FAM20C: variants seen among roughly 807,000 people sequenced by gnomAD.
The protein encoded by FAM20C is FAM20C golgi associated secretory pathway kinase, also known as extracellular serine/threonine protein kinase FAM20C.
Under a neutral mutation model 51.5 loss-of-function variants are expected in FAM20C, and 40 were observed. That is an observed-to-expected ratio of 0.78 (90% CI 0.60 to 1.01). The LOEUF (loss-of-function observed/expected upper bound fraction) is 1.01, where lower values mean the gene tolerates loss of function less well. FAM20C is among the 50% of genes least tolerant of loss of function. FAM20C has a pLI of 0.00. For missense variants in FAM20C, 861 were observed against 844.7 expected, an observed-to-expected ratio of 1.02 and a Z score of -0.24; for synonymous variants, 406 against 380.6, an observed-to-expected ratio of 1.07 and a Z score of -0.78.
rs765546593 is a variant in FAM20C at position 257,066 on chromosome 7, C to T, written c.1425C>T (p.Ile475=). 5 of 1,537,102 alleles carry T rather than the reference C, an allele frequency of 3.3e-6. No homozygotes were observed. The highest frequency in any genetic ancestry group is 4.4e-6 in the Non-Finnish European group (5 of 1,146,882). The stretch of plus-strand genomic sequence containing the variant: ...AGTTTGGGAATGAAACGTTCATCAT[C>T]CACTTAGACAATGGAAGAGGGTGAG... ...FEKFGNETFI[I]HLDNGRGFGK... is the part of the protein sequence containing the mutation. The change falls in exon 8 of 10, where the codon ATC becomes ATT. Residue 475 remains isoleucine, a synonymous_variant. Coordinates refer to ENST00000313766, the MANE Select transcript of FAM20C (RefSeq NM_020223.4).
intron 5 of FAM20C, among the ~76,000 whole-genome samples, chr7:254,458 A>G (rs1040485909): frequency 6.6e-6 from 1 of 152,218 alleles, no homozygotes; most frequent in African/African-American, 2.4e-5. Context: ...ACAAACAAAT[A>G]AAGCAAGAAA....
chr7:256,151 C>G, intron 6 of FAM20C, 122 bp downstream of exon 6: 1 of 1,213,746 alleles, frequency 8.2e-7, no homozygotes, highest in Non-Finnish European at 1.1e-6. Flanking sequence ...GCCTGCTGTG[C>G]GATGCTGGCC....
intron 5 of FAM20C, among the ~76,000 whole-genome samples, chr7:254,832 A>G (rs1193841466): frequency 6.6e-6 from 1 of 152,124 alleles, no homozygotes; most frequent in African/African-American, 2.4e-5. Flanking sequence ...TGGGCGTTTC[A>G]TATTAAGAGG....
At chr7:196,782 G>A (rs28559950) in intron 2 of FAM20C, among the ~76,000 whole-genome samples, 2,980 of 152,224 alleles carry the variant, frequency 0.02, 37 homozygotes, top group Middle Eastern at 0.034. Context: ...TCTCTCTGCC[G>A]GGTGCTGAGT....
rs1785665680 is a variant in FAM20C, at chr7:193,339, C to T, written c.140C>T (p.Ser47Leu). ...GARPSGEPGC[S>L]CAQPAAEVAA... ...CGGCCCTCGGGGGAGCCCGGCTGTT[C>T]GTGCGCGCAGCCCGCCGCCGAGGTG... Residue 47 changes from serine to leucine, a missense_variant, in exon 1 of 10, where the codon TCG (serine) becomes TTG (leucine). Ser to Leu is a moderately radical substitution (Grantham distance 145). Around this residue, in one of 3 missense-constraint regions of FAM20C, gnomAD observed 561 missense variants for 499.8 expected, o/e 1.12. Transcript: ENST00000313766. 7.5e-7 allele frequency: 1 copy of T among 1,329,330 alleles called. No individual in the cohort carries two copies. The highest frequency in any genetic ancestry group is 1.7e-5 in the South Asian group (1 of 58,108). 82.3% of individuals were successfully genotyped at this position (1,329,330 alleles called of 1,614,324 possible). A position where few individuals can be genotyped will look rare whatever the true frequency, so the allele number is the denominator to read the frequency against.
intron 2 of FAM20C, among the ~76,000 whole-genome samples, chr7:204,214 ATTGAAAACCC>A (rs1786247502): frequency 6.6e-6 from 1 of 151,552 alleles, no homozygotes; most frequent in African/African-American, 2.4e-5. Flanking sequence ...GTTTGCTGTC[ATTGAAAACCC>A]CCCGGTACCC....
chr7:258,187 T>C, intron 8 of FAM20C, among the ~76,000 whole-genome samples: 1 of 113,484 alleles, frequency 8.8e-6, no homozygotes, highest in African/African-American at 3.6e-5. Flanking sequence ...CCTGAGGTGC[T>C]GGAGATAGGC....
chr7:194,069 G>A, intron 1 of FAM20C: 1 of 456,720 alleles, frequency 2.2e-6, no homozygotes, highest in Non-Finnish European at 3.8e-6. Flanking sequence ...TTAGAAGCGA[G>A]TCCTGACCAG....
intron 3 of FAM20C, 151 bp from the exon 4 acceptor site, chr7:246,264 T>TCAGGGCCACGGGGAGCTGGGACCCCCG (rs1788155204): frequency 6.0e-6 from 4 of 661,896 alleles, no homozygotes; most frequent in Non-Finnish European, 1.1e-5. Flanking sequence ...GGCAGCTGGG[T>TCAGGGCCACGGGGAGCTGGGACCCCCG]GCCCAGGGTC....
chr7:235,902 C>A (rs1167335956), intron 3 of FAM20C, among the ~76,000 whole-genome samples: 1 of 152,228 alleles, frequency 6.6e-6, no homozygotes, highest in Non-Finnish European at 1.5e-5. Context: ...TGGGCGACTG[C>A]CCTGTCTCCC....
At chr7:251,323 A>C (rs1788399353) in intron 5 of FAM20C, among the ~76,000 whole-genome samples, 1 of 152,020 alleles carries the variant, frequency 6.6e-6, no homozygotes, top group African/African-American at 2.4e-5. Context: ...GTTCAAGATC[A>C]GCCTGGACAA....
chr7:256,731 T>A lies in FAM20C; in HGVS notation c.1331T>A (p.Val444Asp). The A allele has an allele frequency of 1.3e-6, 2 of 1,536,154 alleles. No individual in the cohort carries two copies. Among genetic ancestry groups the A allele is most frequent in the Non-Finnish European group, 1.7e-6 (2 of 1,146,828 alleles). Residue 444 changes from valine (V) to aspartate (D), a missense_variant, in exon 7 of 10, where the codon GTC becomes GAC. Physicochemically the swap from Val to Asp is radical, Grantham distance 152. Coordinates refer to ENST00000313766, the MANE Select transcript of FAM20C (RefSeq NM_020223.4). ...GACAGCAGCCACCGCATCCTGGACG[T>A]CATGGACATGACGATCTTCGACTTC... ...PYDSSHRILD[V>D]MDMTIFDFLM...
Position 193,564 on chromosome 7 carries a change from G to C in FAM20C, c.365G>C (p.Arg122Pro). 1 of 1,497,876 alleles carries C rather than the reference G, an allele frequency of 6.7e-7. No homozygotes were observed. The highest frequency in any genetic ancestry group is 8.9e-7 in the Non-Finnish European group (1 of 1,121,616). The allele number at this position is 1,497,876 out of a possible 1,614,324, so 92.8% of individuals were successfully genotyped here. Residue 122 changes from arginine (R) to proline (P), a missense_variant, in exon 1 of 10, where the codon CGG becomes CCG. Coordinates refer to ENST00000313766, the MANE Select transcript of FAM20C (RefSeq NM_020223.4). ...GCCGAGCCGGCCGAGCGCGCCTTGC[G>C]GGGGCGGGATCCCGGCGCCCTAAGA... is the stretch of plus-strand genomic sequence containing the variant. ...PAAEPAERAL[R>P]GRDPGALRPH...
intron 5 of FAM20C, among the ~76,000 whole-genome samples, chr7:250,105 A>G (rs750515720): frequency 5.9e-5 from 9 of 152,144 alleles, no homozygotes; most frequent in South Asian, 4.1e-4. Flanking sequence ...ATAAAATCCA[A>G]TTAGGGCCCC....
At position 193,407 on chromosome 7, in the gene FAM20C, C is replaced by T. The variant is rs999860915; in HGVS notation, c.208C>T (p.Pro70Ser). The T allele has an allele frequency of 6.4e-6, 9 of 1,404,860 alleles. No individual in the cohort carries two copies. In the Admixed American group the frequency reaches 7.6e-5, roughly 12 times the overall value. The allele number at this position is 1,404,860 out of a possible 1,614,324, so 87.0% of individuals were successfully genotyped here. The change falls in exon 1 of 10, where the codon CCC becomes TCC. Residue 70 changes from proline to serine, a missense_variant. Transcript: ENST00000313766. ...WAQVRGRPGEPPAASSAAGDA... is the reference protein window; with the variant it reads ...WAQVRGRPGESPAASSAAGDA... ...CCAGGTTCGGGGCCGCCCCGGGGAGCCCCCGGCCGCCTCCTCCGCCGCCGG... is the reference window on the plus strand; with the variant it reads ...CCAGGTTCGGGGCCGCCCCGGGGAGTCCCCGGCCGCCTCCTCCGCCGCCGG...
chr7:226,860 A>C (rs1307033846), intron 3 of FAM20C, among the ~76,000 whole-genome samples: 1 of 152,192 alleles, frequency 6.6e-6, no homozygotes, highest in Non-Finnish European at 1.5e-5. Flanking sequence ...CATTGCAGAG[A>C]ATCTGACAGG....
At chr7:193,901 G>A (rs1785720456) in intron 1 of FAM20C, 97 bp downstream of exon 1, 8 of 1,423,368 alleles carry the variant, frequency 5.6e-6, no homozygotes, top group Non-Finnish European at 7.4e-6. Context: ...GCCCCCCATG[G>A]AAGAGGCCGG....
chr7:258,157 T>TGCCCGGGGTGG (rs1788695085), intron 8 of FAM20C, among the ~76,000 whole-genome samples: 1 of 86,498 alleles, frequency 1.2e-5, no homozygotes, highest in African/African-American at 5.8e-5. Context: ...GTGCTGGAGA[T>TGCCCGGGGTGG]AGGCAGGGTG....
At chr7:236,200 CGGCTCCTGGCCG>C (rs1787843368) in intron 3 of FAM20C, among the ~76,000 whole-genome samples, 1 of 98,260 alleles carries the variant, frequency 1.0e-5, no homozygotes, top group African/African-American at 8.1e-5. Context: ...GGAGGCTGAG[CGGCTCCTGGCCG>C]AGGTGAGAGG....
Sources: allele counts gnomAD v4.1 joint callset (sites outside exome capture counted in the v4.1 genomes callset), GRCh38; gene constraint gnomAD v4.1.1; regional missense constraint gnomAD v4.1.1; transcripts MANE v1.5; gene names NCBI Gene and HGNC (gene_info 2026-07-23, HGNC 2026-07-21).